The following LUZP1 variants were observed in gnomAD, a reference collection of about 807,000 sequenced individuals.
LUZP1 encodes leucine zipper protein 1.
Under a neutral mutation model 71.3 loss-of-function variants are expected in LUZP1, and 25 were observed. That is an observed-to-expected ratio of 0.35 (90% CI 0.26 to 0.49). LUZP1 has a LOEUF of 0.49. Among genes scored for constraint, LUZP1 ranks in the 20% least tolerant of loss-of-function variants. The pLI is 0.99. For synonymous variants in LUZP1, 481 were observed against 506.4 expected (o/e 0.95, Z 0.67); for missense variants, 1,142 against 1,300.8 (o/e 0.88, Z 1.88).
chr1:23,092,862 G>C, exon 4 of LUZP1: 1 of 1,613,874 alleles, frequency 6.2e-7, no homozygotes, highest in South Asian at 1.1e-5. Context: ...CTGCTCCCTA[G>C]ACTTCTTCCC....
chr1:23,168,489 CT>C (rs1644528757), intron 2 of LUZP1, among the ~76,000 whole-genome samples: 1 of 151,008 alleles, frequency 6.6e-6, no homozygotes, highest in Admixed American at 6.6e-5. Context: ...AGAACCTTCC[CT>C]CCCCCTCCCG....
intron 2 of LUZP1, among the ~76,000 whole-genome samples, chr1:23,141,739 G>T (rs192433067): frequency 6.6e-6 from 1 of 152,132 alleles, no homozygotes; most frequent in Non-Finnish European, 1.5e-5. Flanking sequence ...GAGAGCAGGG[G>T]CAAGATCATA....
intron 2 of LUZP1, among the ~76,000 whole-genome samples, chr1:23,142,710 C>T (rs1417098391): frequency 6.0e-4 from 36 of 59,574 alleles, no homozygotes; most frequent in African/African-American, 2.2e-3. Flanking sequence ...TACACACACA[C>T]ACACACACAC....
At chr1:23,102,809 T>C (rs1643941936) in intron 3 of LUZP1, among the ~76,000 whole-genome samples, 1 of 152,090 alleles carries the variant, frequency 6.6e-6, no homozygotes, top group South Asian at 2.1e-4. Flanking sequence ...AAATAAACCA[T>C]TAAAAATTTA....
intron 2 of LUZP1, among the ~76,000 whole-genome samples, chr1:23,163,273 G>A (rs900003454): frequency 6.7e-6 from 1 of 150,276 alleles, no homozygotes; most frequent in African/African-American, 2.4e-5. Context: ...GTTGGGGCCA[G>A]GTGCCACTCA....
intron 2 of LUZP1, among the ~76,000 whole-genome samples, chr1:23,120,208 G>A (rs1183072401): frequency 1.3e-5 from 2 of 150,758 alleles, no homozygotes; most frequent in Non-Finnish European, 3.0e-5. Flanking sequence ...CTCCCAAAAT[G>A]CTGGAATTAT....
Position 23,093,087 on chromosome 1 carries a change from T to G in LUZP1, c.1175A>C (p.Glu392Ala). ...TTCCCGCTTATGCTGAGGAGACAGT[T>G]CCCGCGCTGTGTGCTTGGACACAGA... The change falls in exon 4 of 5, where the codon GAA becomes GCA. Residue 392 changes from glutamate (E) to alanine (A), a missense_variant. By Grantham distance (107) the Glu-to-Ala change is moderately radical. Coordinates refer to ENST00000302291, the Ensembl canonical transcript of LUZP1. The surrounding 1 kb of genome is among the most constrained non-coding windows in gnomAD (Gnocchi z 4.2). 1 of 1,614,138 alleles carries G rather than the reference T, an allele frequency of 6.2e-7. No individual in the cohort carries two copies. Among genetic ancestry groups the G allele is most frequent in the Non-Finnish European group, 8.5e-7 (1 of 1,179,998 alleles).
chr1:23,158,464 C>T (rs1352735490), intron 2 of LUZP1, among the ~76,000 whole-genome samples: 2 of 151,826 alleles, frequency 1.3e-5, no homozygotes, highest in Non-Finnish European at 2.9e-5. Context: ...GCCTGGCCAA[C>T]ATGGCAAAAC....
chr1:23,131,454 T>A (rs1644214417), intron 2 of LUZP1, among the ~76,000 whole-genome samples: 1 of 152,142 alleles, frequency 6.6e-6, no homozygotes, highest in Admixed American at 6.6e-5. Flanking sequence ...TCTGTTGATA[T>A]GTTTACTACT....
At chr1:23,103,727 T>C (rs1358183441) in intron 3 of LUZP1, among the ~76,000 whole-genome samples, 4 of 151,294 alleles carry the variant, frequency 2.6e-5, no homozygotes, top group Non-Finnish European at 5.9e-5. Flanking sequence ...TGTAGTTTTT[T>C]GTGTTTGTAA....
At chr1:23,151,845 T>C (rs910370539) in intron 2 of LUZP1, among the ~76,000 whole-genome samples, 3 of 151,722 alleles carry the variant, frequency 2.0e-5, no homozygotes, top group African/African-American at 7.3e-5. Flanking sequence ...CTAATAAAGA[T>C]ATAAAAATTA....
At chr1:23,165,866 C>T (rs957212988) in intron 2 of LUZP1, among the ~76,000 whole-genome samples, 1 of 151,944 alleles carries the variant, frequency 6.6e-6, no homozygotes, top group Non-Finnish European at 1.5e-5. Flanking sequence ...ATGATGGCCG[C>T]TTTACACTGG....
intron 1 of LUZP1, among the ~76,000 whole-genome samples, chr1:23,173,931 T>C (rs1342333802): frequency 1.3e-5 from 2 of 152,070 alleles, no homozygotes; most frequent in African/African-American, 4.8e-5. Flanking sequence ...AGACACCTAA[T>C]AGAAGTCTCA....
chr1:23,124,924 A>C (rs1198048089), intron 2 of LUZP1, among the ~76,000 whole-genome samples: 1 of 152,176 alleles, frequency 6.6e-6, no homozygotes, highest in East Asian at 1.9e-4. Flanking sequence ...TAACCTTGAC[A>C]GGAGCCATGA....
intron 3 of LUZP1, among the ~76,000 whole-genome samples, chr1:23,101,246 A>G (rs1426419669): frequency 6.6e-6 from 1 of 152,194 alleles, no homozygotes; most frequent in Non-Finnish European, 1.5e-5. Context: ...TCCACACAAA[A>G]ACAATATGGT....
intron 2 of LUZP1, among the ~76,000 whole-genome samples, chr1:23,152,904 T>C (rs573411043): frequency 1.6e-4 from 25 of 152,216 alleles, no homozygotes; most frequent in African/African-American, 5.8e-4. Context: ...TTAAGTCCCA[T>C]CTCTTCCTTC....
exon 4 of LUZP1, chr1:23,092,610 T>C: frequency 6.2e-7 from 1 of 1,614,210 alleles, no homozygotes; most frequent in African/African-American, 1.3e-5. Context: ...CTGAGTTACT[T>C]GACTTCCGTT....
intron 2 of LUZP1, among the ~76,000 whole-genome samples, chr1:23,136,630 C>T (rs1033562232): frequency 1.3e-5 from 2 of 152,150 alleles, no homozygotes; most frequent in Non-Finnish European, 2.9e-5. Context: ...AAAGTTCCGA[C>T]GGGCACGGTG....
At chr1:23,091,673 A>C (rs1643857170) in exon 4 of LUZP1, 1 of 1,613,970 alleles carries the variant, frequency 6.2e-7, no homozygotes. Context: ...TCAGGGGCCC[A>C]TCTGCCATTC....
Sources: gnomAD v4.1 joint callset for allele counts (sites outside exome capture counted in the v4.1 genomes callset) on GRCh38, gnomAD v4.1.1 for gene constraint, Gnocchi (gnomAD v3.1) non-coding constraint, MANE v1.5 for transcripts, NCBI Gene and HGNC (gene_info 2026-07-23, HGNC 2026-07-21) for gene names.